The following NEK11 variants were observed in gnomAD, a reference collection of about 807,000 sequenced individuals.
The protein encoded by NEK11 is NIMA related kinase 11.
In NEK11, 72 loss-of-function variants were observed where a neutral mutation model predicts 80.7. That is an observed-to-expected ratio of 0.89 (90% confidence interval 0.74 to 1.08). The LOEUF (loss-of-function observed/expected upper bound fraction) is 1.08. Among genes scored for constraint, NEK11 ranks in the 50% least tolerant of loss-of-function variants. The probability of loss-of-function intolerance (pLI) is 0.00; values close to 1 mark genes in which losing one functional copy is unlikely to be tolerated. For missense variants in NEK11, 764 were observed against 763.6 expected, an observed-to-expected ratio of 1.00 and a Z score of -0.01; for synonymous variants, 251 against 260.7, an observed-to-expected ratio of 0.96 and a Z score of 0.36.
intron 16 of NEK11, among the ~76,000 whole-genome samples, chr3:131,266,569 CTGTT>C (rs2096062830): frequency 6.6e-6 from 1 of 152,262 alleles, no homozygotes; most frequent in East Asian, 1.9e-4. Flanking sequence ...GTCTGAGAAA[CTGTT>C]TGTTATGATT....
At chr3:131,076,687 G>A (rs970988242) in intron 3 of NEK11, among the ~76,000 whole-genome samples, 3 of 152,128 alleles carry the variant, frequency 2.0e-5, no homozygotes, top group Non-Finnish European at 4.4e-5. Context: ...ATCACATCAG[G>A]GTCACAGCTC....
At chr3:131,213,672 G>A (rs1258730309) in intron 14 of NEK11, among the ~76,000 whole-genome samples, 2 of 152,162 alleles carry the variant, frequency 1.3e-5, no homozygotes, top group South Asian at 2.1e-4. Context: ...TACTCTAAGT[G>A]TGGTTTGTGG....
intron 14 of NEK11, among the ~76,000 whole-genome samples, chr3:131,178,782 C>T (rs2093184890): frequency 6.6e-6 from 1 of 152,066 alleles, no homozygotes; most frequent in Admixed American, 6.6e-5. Flanking sequence ...TGCTTGTATG[C>T]CCTATACTTT....
intron 17 of NEK11, among the ~76,000 whole-genome samples, chr3:131,340,331 T>C (rs1185378533): frequency 6.6e-6 from 1 of 152,168 alleles, no homozygotes; most frequent in Non-Finnish European, 1.5e-5. Flanking sequence ...TAAAATAATA[T>C]TTAAAATATG....
At chr3:131,300,761 A>G (rs534845303) in intron 17 of NEK11, among the ~76,000 whole-genome samples, 10 of 152,138 alleles carry the variant, frequency 6.6e-5, no homozygotes, top group Non-Finnish European at 1.3e-4. Flanking sequence ...GTACCAGTAC[A>G]TACTGTTTTA....
chr3:131,275,055 T>C (rs1276923299), intron 17 of NEK11, among the ~76,000 whole-genome samples: 1 of 147,732 alleles, frequency 6.8e-6, no homozygotes, highest in Non-Finnish European at 1.5e-5. Flanking sequence ...ATGAGCATTT[T>C]TTCATGTGTT....
At chr3:131,167,786 A>C (rs2092361890) in intron 12 of NEK11, among the ~76,000 whole-genome samples, 1 of 152,198 alleles carries the variant, frequency 6.6e-6, no homozygotes, top group South Asian at 2.1e-4. Context: ...TCACTTCCCC[A>C]GTGACTTCCC....
intron 3 of NEK11, among the ~76,000 whole-genome samples, chr3:131,051,665 AAAACC>A (rs1472853093): frequency 6.6e-6 from 1 of 152,198 alleles, no homozygotes; most frequent in Non-Finnish European, 1.5e-5. Context: ...GGTAATTTTT[AAAACC>A]TTTAAAAATA....
At chr3:131,153,508 T>G (rs1323051312) in intron 9 of NEK11, among the ~76,000 whole-genome samples, 4 of 152,206 alleles carry the variant, frequency 2.6e-5, no homozygotes, top group African/African-American at 9.6e-5. Context: ...TTGTTTGTTT[T>G]TTTTTAAAAC....
intron 12 of NEK11, among the ~76,000 whole-genome samples, chr3:131,166,236 C>G (rs1158686208): frequency 6.6e-6 from 1 of 152,234 alleles, no homozygotes; most frequent in Non-Finnish European, 1.5e-5. Context: ...AGAACTTCTA[C>G]TGTCTCAAAT....
intron 17 of NEK11, among the ~76,000 whole-genome samples, chr3:131,277,988 C>G (rs918130428): frequency 1.6e-4 from 25 of 152,154 alleles, no homozygotes; most frequent in African/African-American, 6.0e-4. Flanking sequence ...TTGAAAATCC[C>G]CAAGCCAAGT....
chr3:131,052,482 C>T (rs2068600555), intron 3 of NEK11, among the ~76,000 whole-genome samples: 1 of 152,068 alleles, frequency 6.6e-6, no homozygotes, highest in East Asian at 1.9e-4. Context: ...TCTTTACTAT[C>T]AGGGGTGTTT....
At chr3:131,040,117 T>C (rs908900974) in intron 3 of NEK11, among the ~76,000 whole-genome samples, 1 of 152,234 alleles carries the variant, frequency 6.6e-6, no homozygotes, top group Non-Finnish European at 1.5e-5. Flanking sequence ...TGACCTTTAT[T>C]GCTTTAAAAT....
chr3:131,260,509 A>G (rs2095896722), intron 16 of NEK11, among the ~76,000 whole-genome samples: 1 of 152,146 alleles, frequency 6.6e-6, no homozygotes. Context: ...ATAAAATGTT[A>G]CTGGAACACA....
chr3:131,168,348 T>A (rs1437088362), intron 12 of NEK11, among the ~76,000 whole-genome samples: 11 of 150,906 alleles, frequency 7.3e-5, no homozygotes, highest in South Asian at 2.1e-4. Context: ...TTTTTTTTTT[T>A]TTATTTTTAT....
intron 17 of NEK11, among the ~76,000 whole-genome samples, chr3:131,297,794 C>T (rs2096612985): frequency 6.6e-6 from 1 of 152,214 alleles, no homozygotes; most frequent in African/African-American, 2.4e-5. Flanking sequence ...TTTATGGTTT[C>T]AGGTCTAATG....
chr3:131,345,722 A>G (rs748607309), intron 17 of NEK11, among the ~76,000 whole-genome samples: 3 of 152,150 alleles, frequency 2.0e-5, no homozygotes, highest in Non-Finnish European at 4.4e-5. Context: ...CCATAAAGAT[A>G]TCTCCCATGT....
At chr3:131,147,641 G>A (rs575818891) in intron 7 of NEK11, among the ~76,000 whole-genome samples, 1 of 152,044 alleles carries the variant, frequency 6.6e-6, no homozygotes, top group Admixed American at 6.6e-5. Context: ...GATTTTGGTT[G>A]GTATTTCATG....
chr3:131,208,784 A>G (rs1229943877), intron 14 of NEK11, among the ~76,000 whole-genome samples: 1 of 152,104 alleles, frequency 6.6e-6, no homozygotes, highest in Non-Finnish European at 1.5e-5. Context: ...TTGGTGTATA[A>G]GAATGCTTGT....
Sources: gnomAD v4.1 joint callset for allele counts (sites outside exome capture counted in the v4.1 genomes callset) on GRCh38, gnomAD v4.1.1 for gene constraint, MANE v1.5 for transcripts, NCBI Gene and HGNC (gene_info 2026-07-23, HGNC 2026-07-21) for gene names.